Variants in CNTNAP2 observed in about 807,000 individuals in gnomAD.
The protein encoded by CNTNAP2 is contactin associated protein 2, also known as contactin-associated protein-like 2.
CNTNAP2 carries 98 observed loss-of-function variants against 155.2 expected under a neutral mutation model. The observed-to-expected ratio is 0.63, with a 90% CI of 0.54 to 0.75. The LOEUF (loss-of-function observed/expected upper bound fraction) is 0.75, where lower values mean the gene tolerates loss of function less well. Ranked by LOEUF, CNTNAP2 falls within the 30% of genes least tolerant of loss-of-function variation. The probability of loss-of-function intolerance (pLI) is 0.00; values close to 1 mark genes in which losing one functional copy is unlikely to be tolerated. For synonymous variants in CNTNAP2, 651 were observed against 631.2 expected, an observed-to-expected ratio of 1.03 and a Z score of -0.47; for missense variants, 1,727 against 1,688.1, an observed-to-expected ratio of 1.02 and a Z score of -0.40.
chr7:146,623,732 T>C (rs993256482), intron 1 of CNTNAP2, among the ~76,000 whole-genome samples: 20 of 152,190 alleles, frequency 1.3e-4, no homozygotes, highest in African/African-American at 4.6e-4. Context: ...TGTGTGTACA[T>C]AAGTTTTCAA....
At chr7:148,095,474 C>A (rs1003409526) in intron 15 of CNTNAP2, among the ~76,000 whole-genome samples, 1 of 152,216 alleles carries the variant, frequency 6.6e-6, no homozygotes, top group Non-Finnish European at 1.5e-5. Context: ...GAGAAGTACA[C>A]AGACTCCAAA....
At chr7:147,082,755 G>C (rs1375361685) in intron 4 of CNTNAP2, 1 of 152,150 alleles carries the variant, frequency 6.6e-6, no homozygotes, top group Non-Finnish European at 1.5e-5. Context: ...AAAAAGCAAG[G>C]AAATTCAGTT....
At chr7:146,994,029 T>C (rs1333546968) in intron 3 of CNTNAP2, among the ~76,000 whole-genome samples, 1 of 152,140 alleles carries the variant, frequency 6.6e-6, no homozygotes, top group Non-Finnish European at 1.5e-5. Context: ...AGGAGTTGCA[T>C]TTTAGGCAAT....
At chr7:147,206,207 A>G (rs1407441943) in intron 8 of CNTNAP2, among the ~76,000 whole-genome samples, 6 of 152,078 alleles carry the variant, frequency 3.9e-5, no homozygotes, top group Non-Finnish European at 8.8e-5. Flanking sequence ...ACTGAAAGAA[A>G]CAACACATAA....
intron 8 of CNTNAP2, among the ~76,000 whole-genome samples, chr7:147,139,216 T>A (rs1039532461): frequency 6.6e-6 from 1 of 152,106 alleles, no homozygotes; most frequent in South Asian, 2.1e-4. Flanking sequence ...GAAGTACATA[T>A]ACAATGTGGT....
intron 8 of CNTNAP2, among the ~76,000 whole-genome samples, chr7:147,219,916 C>A (rs1803355638): frequency 6.6e-6 from 1 of 151,220 alleles, no homozygotes; most frequent in Admixed American, 6.6e-5. Flanking sequence ...GCTGGGACTA[C>A]AGGCACCCAC....
At chr7:148,345,824 C>A (rs1054897279) in intron 21 of CNTNAP2, among the ~76,000 whole-genome samples, 1 of 151,932 alleles carries the variant, frequency 6.6e-6, no homozygotes, top group Non-Finnish European at 1.5e-5. Context: ...TCTAAACTTC[C>A]GTATTTTTAT....
chr7:146,771,317 T>G (rs538519613), intron 1 of CNTNAP2, among the ~76,000 whole-genome samples: 1 of 152,268 alleles, frequency 6.6e-6, no homozygotes, highest in South Asian at 2.1e-4. Flanking sequence ...ATGAATGAAA[T>G]GAACATGAGT....
In CNTNAP2 at chr7:146,855,845, A is replaced by G. The variant is rs868549135; in HGVS notation, c.402+15941A>G. On this transcript the variant is annotated intron_variant, in intron 3 of 23. Coordinates refer to ENST00000361727, the MANE Select transcript of CNTNAP2 (RefSeq NM_014141.6). ...TATATATATATATATATATATATAT[A>G]TATATATACACACTTACATACTACA... Among the ~76,000 whole-genome samples the G allele has an allele frequency of 4.0e-3, 528 of 133,270 alleles. 7 individuals carry two copies. Among genetic ancestry groups the G allele is most frequent in the African/African-American group, 0.014 (510 of 35,316 alleles). The allele number at this position is 133,270 out of a possible 152,430, so 87.4% of individuals were successfully genotyped here. A position where few individuals can be genotyped will look rare whatever the true frequency, so the allele number is the denominator to read the frequency against.
chr7:146,350,257 G>A (rs1302171433), intron 1 of CNTNAP2, among the ~76,000 whole-genome samples: 1 of 151,774 alleles, frequency 6.6e-6, no homozygotes, highest in African/African-American at 2.4e-5. Flanking sequence ...CCAGTTGATC[G>A]AAAATTTTTG....
chr7:146,782,527 A>C (rs1400635093), intron 2 of CNTNAP2, among the ~76,000 whole-genome samples: 1 of 152,188 alleles, frequency 6.6e-6, no homozygotes, highest in Non-Finnish European at 1.5e-5. Flanking sequence ...AATTATTTAA[A>C]TGTATTATAT....
chr7:147,255,672 A>T (rs1252711718), intron 8 of CNTNAP2, among the ~76,000 whole-genome samples: 1 of 152,220 alleles, frequency 6.6e-6, no homozygotes, highest in Non-Finnish European at 1.5e-5. Flanking sequence ...TTTACGATAA[A>T]ACCACTCTTC....
rs929307278 is a variant in CNTNAP2, at chr7:147,849,856, C to T, written c.2099-53709C>T. The T allele has an allele frequency of 9.9e-5, 15 of 152,246 alleles. 1 individual carries two copies. The highest frequency in any genetic ancestry group is 3.6e-4 in the African/African-American group (15 of 41,452). The allele number at this position is 152,246 out of a possible 1,614,324, so 9.4% of individuals were successfully genotyped here. ...GGAATGGATGTGCAAGCGAAATGGACACAAACCAAAAATGGAAGAGGCAAC... is the reference window on the plus strand; with the variant it reads ...GGAATGGATGTGCAAGCGAAATGGATACAAACCAAAAATGGAAGAGGCAAC... On this transcript the variant is annotated intron_variant, in intron 13 of 23. Transcript: ENST00000361727.
At chr7:146,596,631 GA>G (rs1563149991) in intron 1 of CNTNAP2, among the ~76,000 whole-genome samples, 3 of 148,762 alleles carry the variant, frequency 2.0e-5, no homozygotes, top group Admixed American at 1.3e-4. Flanking sequence ...GAGAGAGAGA[GA>G]GAGAGAGAAA....
At chr7:146,156,412 T>C (rs1798127070) in intron 1 of CNTNAP2, among the ~76,000 whole-genome samples, 1 of 152,190 alleles carries the variant, frequency 6.6e-6, no homozygotes, top group Non-Finnish European at 1.5e-5. Flanking sequence ...GTGATATACA[T>C]GTGATGAGGA....
intron 3 of CNTNAP2, among the ~76,000 whole-genome samples, chr7:146,884,014 A>AT (rs1191460666): frequency 6.6e-6 from 1 of 152,130 alleles, no homozygotes; most frequent in Non-Finnish European, 1.5e-5. Flanking sequence ...TAAATAGGGC[A>AT]TTTTCAATAG....
chr7:147,513,616 GA>G (rs1334159124), intron 11 of CNTNAP2, among the ~76,000 whole-genome samples: 1 of 152,210 alleles, frequency 6.6e-6, no homozygotes, highest in African/African-American at 2.4e-5. Flanking sequence ...GCAAGTGTTG[GA>G]TTCCCATCCC....
At chr7:148,016,369 T>G (rs1585079122) in intron 15 of CNTNAP2, among the ~76,000 whole-genome samples, 2 of 152,326 alleles carry the variant, frequency 1.3e-5, no homozygotes, top group South Asian at 2.1e-4. Context: ...CCTTCCCACA[T>G]GTGCCTTCTC....
chr7:146,988,463 A>C (rs974831929), intron 3 of CNTNAP2, among the ~76,000 whole-genome samples: 3 of 152,154 alleles, frequency 2.0e-5, no homozygotes, highest in African/African-American at 7.2e-5. Flanking sequence ...AATCTGTTTG[A>C]GTCCTGATAG....
Sources: allele counts gnomAD v4.1 joint callset (sites outside exome capture counted in the v4.1 genomes callset), GRCh38; gene constraint gnomAD v4.1.1; transcripts MANE v1.5; gene names NCBI Gene and HGNC (gene_info 2026-07-23, HGNC 2026-07-21).